NPC1: variants seen among roughly 807,000 people sequenced by gnomAD.
NPC1 encodes NPC intracellular cholesterol transporter 1.
A neutral mutation model predicts 140.4 loss-of-function variants in NPC1; 85 were observed. That is an observed-to-expected ratio of 0.61 (90% CI 0.51 to 0.72). NPC1 has a LOEUF of 0.72. NPC1 is among the 30% of genes least tolerant of loss of function. NPC1 has a pLI of 0.00. For missense variants in NPC1, 1,504 were observed against 1,623.8 expected (o/e 0.93, Z 1.27); for synonymous variants, 656 against 624.8 (o/e 1.05, Z -0.74).
Position 23,556,591 on chromosome 18 carries a change from A to G in NPC1, c.978T>C (p.Pro326=), listed in dbSNP as rs2145458556. The G allele has an allele frequency of 1.2e-6, 2 of 1,614,136 alleles. No individual in the cohort carries two copies. The highest frequency in any genetic ancestry group is 1.7e-6 in the Non-Finnish European group (2 of 1,180,012). ...SDKGEASCCD[P]VSAAFEGCLR... ...AGCAGCCCTCAAATGCTGCGCTGAC[A>G]GGGTCACAGCAGGACGCCTCTCCTG... is the stretch of plus-strand genomic sequence containing the variant. Residue 326 remains proline, a synonymous_variant, in exon 8 of 25, where the codon CCT becomes CCC. Coordinates refer to ENST00000269228, the MANE Select transcript of NPC1 (RefSeq NM_000271.5).
chr18:23,508,940 T>C (rs892771936), intron 3 of NPC1, among the ~76,000 whole-genome samples: 1 of 152,226 alleles, frequency 6.6e-6, no homozygotes, highest in Non-Finnish European at 1.5e-5. Flanking sequence ...TCTGGTCAGT[T>C]ACTTTTCTAC....
chr18:23,517,598 C>A (rs541785610), downstream of NPC1, among the ~76,000 whole-genome samples: 1 of 152,192 alleles, frequency 6.6e-6, no homozygotes. Flanking sequence ...TTCTAAGTTA[C>A]TTCTGATTCT....
rs375814591 is a variant in NPC1 at position 23,583,598 on chromosome 18, G to A, written c.57+2689C>T. On this transcript the variant is annotated intron_variant, in intron 1 of 24. Transcript: ENST00000269228. ...GAAAGGGGCACCCGAGATCAGAGAT[G>A]ACTGATCCAGGCTTCCGCTGTAGGT... Among the ~76,000 whole-genome samples, 10 of 151,896 alleles carry A rather than the reference G, an allele frequency of 6.6e-5. No individual in the cohort carries two copies. The East Asian group carries it at 1.3e-3, about 20-fold the overall frequency.
downstream of NPC1, chr18:23,527,912 T>A (rs747031460): frequency 1.2e-6 from 2 of 1,606,716 alleles, no homozygotes; most frequent in Non-Finnish European, 1.7e-6. Context: ...GTGAGTTACA[T>A]GGAGTATGAC....
At chr18:23,530,173 T>A, downstream of NPC1, 2 of 1,613,962 alleles carry the variant, frequency 1.2e-6, no homozygotes, top group African/African-American at 1.3e-5. Flanking sequence ...TGGTTAAAAA[T>A]GGAAAATTTT....
intron 10 of NPC1, among the ~76,000 whole-genome samples, chr18:23,549,742 C>CTTTTTTTTTTTTTTTTTTTT (rs1000073339): frequency 1.7e-4 from 23 of 138,000 alleles, no homozygotes; most frequent in African/African-American, 6.3e-4. Context: ...TTTTTCACAA[C>CTTTTTTTTTTTTTTTTTTTT]TTTTTTTTTT....
At chr18:23,560,518 A>T in intron 5 of NPC1, 38 bp from the exon 6 acceptor site, 1 of 1,609,584 alleles carries the variant, frequency 6.2e-7, no homozygotes, top group East Asian at 2.2e-5. Flanking sequence ...AATCTCAATT[A>T]AAAACATCCA....
At chr18:23,555,829 GC>G (rs917099762) in intron 8 of NPC1, among the ~76,000 whole-genome samples, 4 of 152,162 alleles carry the variant, frequency 2.6e-5, no homozygotes, top group African/African-American at 9.7e-5. Context: ...TCCTTCCTCA[GC>G]CCCCAGGACA....
chr18:23,544,308 A>T (rs1567954778), intron 13 of NPC1, 36 bp downstream of exon 13: 6 of 1,604,884 alleles, frequency 3.7e-6, no homozygotes, highest in Non-Finnish European at 5.1e-6. Context: ...TGAAACTTGA[A>T]CAGATGCTGA....
Position 23,561,357 on chromosome 18 carries a change from T to C in NPC1, c.631+3A>G, listed in dbSNP as rs759746113. 5.0e-6 allele frequency: 8 copies of C among 1,614,144 alleles called. No homozygotes were observed. In the East Asian group the frequency reaches 1.6e-4, roughly 31 times the overall value. On this transcript the variant is annotated splice_donor_region_variant and intron_variant, in intron 5 of 24. Coordinates refer to ENST00000269228, the MANE Select transcript of NPC1 (RefSeq NM_000271.5). ...ACACCAAACTTGGAATCTTTATACCTACCTGAAAACACAGGAGTGATGGTA... is the reference window on the plus strand; with the variant it reads ...ACACCAAACTTGGAATCTTTATACCCACCTGAAAACACAGGAGTGATGGTA...
chr18:23,539,143 C>T (rs762425642), intron 19 of NPC1, among the ~76,000 whole-genome samples: 1 of 152,144 alleles, frequency 6.6e-6, no homozygotes, highest in Non-Finnish European at 1.5e-5. Flanking sequence ...ACATGTGGAC[C>T]TTGTTCAGCT....
At chr18:23,556,700 C>G in intron 7 of NPC1, 87 bp from the exon 8 acceptor site, 1 of 1,568,088 alleles carries the variant, frequency 6.4e-7, no homozygotes, top group Admixed American at 1.9e-5. Flanking sequence ...TAGTTGCTAT[C>G]TCATGGCAGG....
At chr18:23,538,281 G>A (rs1007188006) in intron 20 of NPC1, among the ~76,000 whole-genome samples, 6 of 152,316 alleles carry the variant, frequency 3.9e-5, no homozygotes, top group Admixed American at 6.5e-5. Context: ...AGGAATCTGC[G>A]TTCATTCTCA....
At chr18:23,557,664 C>G (rs912434655) in intron 6 of NPC1, among the ~76,000 whole-genome samples, 1 of 152,136 alleles carries the variant, frequency 6.6e-6, no homozygotes, top group African/African-American at 2.4e-5. Flanking sequence ...ACTGCTTGAA[C>G]CAGGGAGGCG....
Position 23,568,980 on chromosome 18 carries a change from A to C in NPC1, c.306T>G (p.Tyr102Ter), listed in dbSNP as rs751249367. 6 of 1,613,660 alleles carry C rather than the reference A, an allele frequency of 3.7e-6. No homozygotes were observed. Among genetic ancestry groups the C allele is most frequent in the Non-Finnish European group, 5.1e-6 (6 of 1,179,742 alleles). The change falls in exon 4 of 25, where the codon TAT becomes TAG. Residue 102 changes from tyrosine (Y) to a stop codon, truncating the protein, a stop_gained. Coordinates refer to ENST00000269228, the MANE Select transcript of NPC1 (RefSeq NM_000271.5). LOFTEE classifies it high-confidence loss of function. Reference sequence around the variant, plus strand: ...GCTCACAAAACAGGTTCAGTAGGTTATAAAAACAGGATGGACATCTAAAGG... The same window carrying C: ...GCTCACAAAACAGGTTCAGTAGGTTCTAAAAACAGGATGGACATCTAAAGG... ...QFLSRCPSCFYNLLNLFCELT... is the reference protein window; with the variant it reads ...QFLSRCPSCF
intron 3 of NPC1, among the ~76,000 whole-genome samples, chr18:23,569,612 C>T (rs887054836): frequency 6.6e-6 from 1 of 152,182 alleles, no homozygotes; most frequent in African/African-American, 2.4e-5. Flanking sequence ...ATGAGCGCTG[C>T]ACCAGCTGAC....
chr18:23,524,941 CTTTTTTTTTTTTT>C (rs5823396), downstream of NPC1, among the ~76,000 whole-genome samples: 4 of 69,218 alleles, frequency 5.8e-5, no homozygotes, highest in Non-Finnish European at 1.0e-4. Flanking sequence ...TTAGAGAAAT[CTTTTTTTTTTTTT>C]TTTTTTTTTT....
At chr18:23,586,212 T>TGGGCCCGTCGCC in intron 1 of NPC1, 75 bp downstream of exon 1, 1 of 1,483,372 alleles carries the variant, frequency 6.7e-7, no homozygotes, top group Non-Finnish European at 9.0e-7. Flanking sequence ...GAGCCGTCGC[T>TGGGCCCGTCGCC]GGGCCCGTCG....
chr18:23,560,253 ATGC>A lies in NPC1; in HGVS notation c.856_858del (p.Ala286del). The A allele has an allele frequency of 6.2e-7, 1 of 1,614,182 alleles. No homozygotes were observed. The highest frequency in any genetic ancestry group is 1.1e-5 in the South Asian group (1 of 91,082). ...TACCTGTAGCACCACACTGCAAAAA[ATGC>A]TCCAAAAAACACAAGCAAAAACGCC... On this transcript the variant is annotated inframe_deletion, in exon 6 of 25. Transcript: ENST00000269228.
Sources: gnomAD v4.1 joint callset for allele counts (sites outside exome capture counted in the v4.1 genomes callset) on GRCh38, gnomAD v4.1.1 for gene constraint, MANE v1.5 for transcripts, NCBI Gene and HGNC (gene_info 2026-07-23, HGNC 2026-07-21) for gene names.